Variants in ZFYVE16 observed in about 807,000 individuals in gnomAD.
ZFYVE16 encodes the protein zinc finger FYVE domain-containing protein 16.
Under a neutral mutation model 138.1 loss-of-function variants are expected in ZFYVE16, and 89 were observed. That is an observed-to-expected ratio of 0.64 (90% confidence interval 0.54 to 0.77). ZFYVE16 has a LOEUF of 0.77. Ranked by LOEUF, ZFYVE16 falls within the 30% of genes least tolerant of loss-of-function variation. The pLI is 0.00. For synonymous variants in ZFYVE16, 596 were observed against 618.3 expected, an observed-to-expected ratio of 0.96 and a Z score of 0.53; for missense variants, 1,793 against 1,786.7, an observed-to-expected ratio of 1.00 and a Z score of -0.06.
In ZFYVE16 at chr5:80,437,594, CT is replaced by C; in HGVS notation, c.910del (p.Cys304AlafsTer11). Reference protein sequence around the residue: ...KEEGKTSALTCSLPKNEDLCL... With the variant: ...KEEGKTSALTXSLPKNEDLCL... ...AAGAGGGCAAGACAAGTGCTTTGAC[CT>C]GCAGCCTTCCGAAAAATGAAGATTT... On this transcript the variant is annotated frameshift_variant, in exon 4 of 19. Transcript: ENST00000505560. LOFTEE classifies it high-confidence loss of function. The C allele has an allele frequency of 6.2e-7, 1 of 1,613,476 alleles. No individual in the cohort carries two copies. Among genetic ancestry groups the C allele is most frequent in the Non-Finnish European group, 8.5e-7 (1 of 1,179,800 alleles).
At position 80,480,028 on chromosome 5, in the gene ZFYVE16, T is replaced by C. The variant is rs1465253849; in HGVS notation, c.*2651T>C. Reference sequence around the variant, plus strand: ...GGTGACAGAGAAAATAAAATGTAAATACTTTTCATGGAAAAGTAATTTCAT... The same window carrying C: ...GGTGACAGAGAAAATAAAATGTAAACACTTTTCATGGAAAAGTAATTTCAT... On this transcript the variant is annotated 3_prime_UTR_variant, in exon 19 of 19. Coordinates refer to ENST00000505560, the MANE Select transcript of ZFYVE16 (RefSeq NM_001284236.3). 1.3e-5 allele frequency among the ~76,000 whole-genome samples: 2 copies of C among 152,154 alleles called. No individual in the cohort carries two copies. The highest frequency in any genetic ancestry group is 6.6e-5 in the Admixed American group (1 of 15,262).
intron 1 of ZFYVE16, among the ~76,000 whole-genome samples, chr5:80,418,953 G>T (rs565938622): frequency 1.3e-5 from 2 of 151,894 alleles, no homozygotes; most frequent in African/African-American, 4.8e-5. Context: ...TAATGTCTGT[G>T]TCTAGGTTCA....
At chr5:80,424,374 T>C (rs1747689364) in intron 1 of ZFYVE16, among the ~76,000 whole-genome samples, 1 of 152,176 alleles carries the variant, frequency 6.6e-6, no homozygotes, top group African/African-American at 2.4e-5. Flanking sequence ...TGTTCCTGTT[T>C]CATGGTTGCA....
chr5:80,415,297 T>G (rs1426784409), intron 1 of ZFYVE16, among the ~76,000 whole-genome samples: 1 of 152,238 alleles, frequency 6.6e-6, no homozygotes, highest in Admixed American at 6.5e-5. Context: ...ACATCTTAGA[T>G]TAATATGGTA....
intron 15 of ZFYVE16, among the ~76,000 whole-genome samples, chr5:80,472,375 C>T (rs1754468950): frequency 6.6e-6 from 1 of 151,592 alleles, no homozygotes; most frequent in Non-Finnish European, 1.5e-5. Flanking sequence ...TACCTGAGTT[C>T]TCTGCCTGGA....
intron 15 of ZFYVE16, among the ~76,000 whole-genome samples, chr5:80,469,697 T>C (rs896394124): frequency 1.3e-5 from 2 of 152,068 alleles, no homozygotes; most frequent in East Asian, 3.9e-4. Context: ...TGTTAGATTG[T>C]TTTGTGTCAC....
intron 1 of ZFYVE16, among the ~76,000 whole-genome samples, chr5:80,415,166 TTTTATAACACC>T (rs1248111133): frequency 6.6e-6 from 1 of 152,212 alleles, no homozygotes; most frequent in African/African-American, 2.4e-5. Context: ...CTCAACTTTA[TTTTATAACACC>T]TTGATTGCAT....
At chr5:80,420,301 A>T (rs1352407651) in intron 1 of ZFYVE16, among the ~76,000 whole-genome samples, 5 of 151,526 alleles carry the variant, frequency 3.3e-5, no homozygotes, top group African/African-American at 4.8e-5. Flanking sequence ...ATTTATTATT[A>T]TTTTTTATTA....
intron 11 of ZFYVE16, chr5:80,453,903 A>G (rs1337306933): frequency 1.3e-5 from 2 of 152,212 alleles, no homozygotes; most frequent in Non-Finnish European, 2.9e-5. Context: ...TAGATGATTT[A>G]TGAGGTCCCT....
In ZFYVE16 at chr5:80,438,037, T is replaced by G. The variant is rs1043400529; in HGVS notation, c.1352T>G (p.Met451Arg). Reference sequence around the variant, plus strand: ...CTCCTTCAGTCATTAATTGAAGGGATGGAAGACAGAAAGATAGATCCTGAC... The same window carrying G: ...CTCCTTCAGTCATTAATTGAAGGGAGGGAAGACAGAAAGATAGATCCTGAC... ...SILLQSLIEG[M>R]EDRKIDPDQT... The change falls in exon 4 of 19, where the codon ATG becomes AGG. Residue 451 changes from methionine to arginine, a missense_variant. Met to Arg is a moderately conservative substitution (Grantham distance 91, BLOSUM62 -1). This residue lies in a region of ZFYVE16 where 1,295 missense variants were observed against 1,204.3 expected (regional missense o/e 1.08). Coordinates refer to ENST00000505560, the MANE Select transcript of ZFYVE16 (RefSeq NM_001284236.3). 1 of 1,614,144 alleles carries G rather than the reference T, an allele frequency of 6.2e-7. No homozygotes were observed. Among genetic ancestry groups the G allele is most frequent in the African/African-American group, 1.3e-5 (1 of 75,070 alleles).
At chr5:80,446,351 A>G (rs1211457862) in intron 7 of ZFYVE16, among the ~76,000 whole-genome samples, 1 of 152,148 alleles carries the variant, frequency 6.6e-6, no homozygotes, top group African/African-American at 2.4e-5. Context: ...AAATTCAGAA[A>G]TTTAAAAAAT....
At chr5:80,445,476 A>T in intron 7 of ZFYVE16, 71 bp downstream of exon 7, 3 of 1,300,712 alleles carry the variant, frequency 2.3e-6, no homozygotes, top group African/African-American at 1.6e-5. Flanking sequence ...TGGTGTGATT[A>T]TTAGAGTGCT....
intron 7 of ZFYVE16, among the ~76,000 whole-genome samples, chr5:80,446,455 T>A (rs542014417): frequency 1.3e-5 from 2 of 152,332 alleles, no homozygotes; most frequent in South Asian, 4.1e-4. Flanking sequence ...GTGAGAATAA[T>A]GGCATTATTT....
At position 80,477,477 on chromosome 5, in the gene ZFYVE16, T is replaced by A; in HGVS notation, c.*100T>A. ...CAAACACTAAAAGTATAAATATGTC[T>A]GATTTTTGAAACACATAAGCTTTGC... On this transcript the variant is annotated 3_prime_UTR_variant, in exon 19 of 19. Transcript: ENST00000505560. The A allele has an allele frequency of 8.7e-7, 1 of 1,151,940 alleles. No homozygotes were observed. The highest frequency in any genetic ancestry group is 1.2e-6 in the Non-Finnish European group (1 of 856,510). 71.4% of individuals were successfully genotyped at this position (1,151,940 alleles called of 1,614,324 possible).
At chr5:80,459,884 CT>C (rs1752929168) in intron 15 of ZFYVE16, among the ~76,000 whole-genome samples, 1 of 152,102 alleles carries the variant, frequency 6.6e-6, no homozygotes, top group African/African-American at 2.4e-5. Flanking sequence ...ACAACTATAG[CT>C]TATTCATTTT....
chr5:80,424,431 A>G (rs147130703), intron 1 of ZFYVE16, among the ~76,000 whole-genome samples: 15 of 147,218 alleles, frequency 1.0e-4, no homozygotes, highest in African/African-American at 3.5e-4. Context: ...TTGAAGTTTT[A>G]TTCTGCCTCC....
rs1750115377 is a variant in ZFYVE16 at position 80,437,591 on chromosome 5, G to C, written c.906G>C (p.Leu302Phe). Residue 302 changes from leucine (L) to phenylalanine (F), a missense_variant, in exon 4 of 19, where the codon TTG (leucine) becomes TTC (phenylalanine). By Grantham distance (22) the Leu-to-Phe change is conservative. Transcript: ENST00000505560. ...AAGAAGAGGGCAAGACAAGTGCTTT[G>C]ACCTGCAGCCTTCCGAAAAATGAAG... ...CLKEEGKTSA[L>F]TCSLPKNEDL... 1 of 1,613,502 alleles carries C rather than the reference G, an allele frequency of 6.2e-7. No homozygotes were observed. Among genetic ancestry groups the C allele is most frequent in the Non-Finnish European group, 8.5e-7 (1 of 1,179,858 alleles).
chr5:80,444,958 AGT>A (rs1169858132), intron 6 of ZFYVE16, among the ~76,000 whole-genome samples: 1 of 152,054 alleles, frequency 6.6e-6, no homozygotes, highest in East Asian at 1.9e-4. Flanking sequence ...TCCTCTTCAG[AGT>A]GATTCCCAGA....
chr5:80,469,355 C>T (rs1754066927), intron 15 of ZFYVE16, among the ~76,000 whole-genome samples: 1 of 151,958 alleles, frequency 6.6e-6, no homozygotes, highest in Non-Finnish European at 1.5e-5. Context: ...GATCCTCCTT[C>T]CTCAGCCTCT....
Sources: gnomAD v4.1 joint callset for allele counts (sites outside exome capture counted in the v4.1 genomes callset) on GRCh38, gnomAD v4.1.1 for gene constraint, gnomAD v4.1.1 regional missense constraint, MANE v1.5 for transcripts, NCBI Gene and HGNC (gene_info 2026-07-23, HGNC 2026-07-21) for gene names.